NLGN1: variants seen among roughly 807,000 people sequenced by gnomAD.
The protein encoded by NLGN1 is neuroligin-1.
In NLGN1, 12 loss-of-function variants were observed where a neutral mutation model predicts 65.5. That is an observed-to-expected ratio of 0.18 (90% confidence interval 0.12 to 0.30). The LOEUF (loss-of-function observed/expected upper bound fraction) is 0.30. Among genes scored for constraint, NLGN1 ranks in the 10% least tolerant of loss-of-function variants. The pLI, the probability that NLGN1 is intolerant of heterozygous loss-of-function variation, is 1.00. For missense variants in NLGN1, 750 were observed against 1,007.1 expected (o/e 0.74, Z 3.46); for synonymous variants, 350 against 359.5 (o/e 0.97, Z 0.30).
intron 5 of NLGN1, among the ~76,000 whole-genome samples, 165 bp from the exon 6 acceptor site, chr3:174,278,696 C>T (rs993428622): frequency 4.6e-5 from 7 of 151,946 alleles, no homozygotes; most frequent in Non-Finnish European, 8.8e-5. Context: ...ATCCATTATA[C>T]CCTGCGGTTG....
At chr3:173,926,604 C>T (rs1743047707) in intron 4 of NLGN1, among the ~76,000 whole-genome samples, 2 of 152,138 alleles carry the variant, frequency 1.3e-5, no homozygotes, top group South Asian at 4.1e-4. Context: ...TTTATCTAGG[C>T]AAGAGCACAG....
At chr3:174,054,462 G>A (rs1167734663) in intron 4 of NLGN1, among the ~76,000 whole-genome samples, 3 of 151,972 alleles carry the variant, frequency 2.0e-5, no homozygotes, top group African/African-American at 4.8e-5. Flanking sequence ...AAATTATTAT[G>A]TTGGCTTACA....
At chr3:174,091,651 T>A (rs1744544930) in intron 4 of NLGN1, among the ~76,000 whole-genome samples, 1 of 152,218 alleles carries the variant, frequency 6.6e-6, no homozygotes, top group Non-Finnish European at 1.5e-5. Flanking sequence ...AGGAACCAAA[T>A]ACATATTTTT....
intron 2 of NLGN1, among the ~76,000 whole-genome samples, chr3:173,547,474 A>G (rs1740065640): frequency 1.3e-5 from 2 of 152,170 alleles, no homozygotes; most frequent in African/African-American, 4.8e-5. Flanking sequence ...GCAACGCACA[A>G]AAATGCTGTG....
At chr3:173,679,948 T>A (rs1261145164) in intron 3 of NLGN1, among the ~76,000 whole-genome samples, 1 of 152,080 alleles carries the variant, frequency 6.6e-6, no homozygotes, top group Non-Finnish European at 1.5e-5. Context: ...AACAATTAAT[T>A]ATGACTGTGA....
At chr3:173,664,793 G>A (rs896970972) in intron 3 of NLGN1, among the ~76,000 whole-genome samples, 1 of 152,090 alleles carries the variant, frequency 6.6e-6, no homozygotes, top group Admixed American at 6.6e-5. Flanking sequence ...GAAGCTCTGA[G>A]TTTGAATCCA....
At chr3:173,910,002 G>T (rs754405895) in intron 4 of NLGN1, among the ~76,000 whole-genome samples, 1 of 152,126 alleles carries the variant, frequency 6.6e-6, no homozygotes, top group African/African-American at 2.4e-5. Context: ...TATAGTGAAG[G>T]CATGTTAGGT....
intron 4 of NLGN1, among the ~76,000 whole-genome samples, chr3:174,191,664 T>G (rs895952283): frequency 1.3e-5 from 2 of 152,152 alleles, no homozygotes; most frequent in Non-Finnish European, 2.9e-5. Flanking sequence ...CTAACAGGTG[T>G]CATCTGCTTT....
At chr3:173,408,720 G>A (rs1370771063) in intron 1 of NLGN1, among the ~76,000 whole-genome samples, 1 of 152,116 alleles carries the variant, frequency 6.6e-6, no homozygotes, top group African/African-American at 2.4e-5. Flanking sequence ...AGACCTTCCT[G>A]GCTAATACGG....
intron 2 of NLGN1, among the ~76,000 whole-genome samples, chr3:173,498,123 A>G (rs1265725952): frequency 6.6e-6 from 1 of 151,664 alleles, no homozygotes; most frequent in Non-Finnish European, 1.5e-5. Flanking sequence ...TTACATATGT[A>G]TACATGTGCC....
chr3:173,819,216 T>C (rs1046621626), intron 4 of NLGN1, among the ~76,000 whole-genome samples: 1 of 152,160 alleles, frequency 6.6e-6, no homozygotes, highest in Non-Finnish European at 1.5e-5. Flanking sequence ...TGCTACTACC[T>C]ACTCACCTTG....
chr3:173,992,118 T>C (rs1233532065), intron 4 of NLGN1, among the ~76,000 whole-genome samples: 1 of 152,014 alleles, frequency 6.6e-6, no homozygotes, highest in Non-Finnish European at 1.5e-5. Context: ...TGAAGATCTC[T>C]AGAATAATGA....
chr3:174,076,944 C>A (rs931111692), intron 4 of NLGN1, among the ~76,000 whole-genome samples: 4 of 151,982 alleles, frequency 2.6e-5, no homozygotes, highest in Non-Finnish European at 5.9e-5. Context: ...ACAATGGTAC[C>A]TAAATAATTC....
At position 173,837,341 on chromosome 3, in the gene NLGN1, T is replaced by C. The variant is rs183348998; in HGVS notation, c.646+29509T>C. On this transcript the variant is annotated intron_variant, in intron 4 of 6. Transcript: ENST00000457714. ...CTTTAGAGTAACATTTTCATTAATT[T>C]AAAAGTGTATCTATATTTAAATGCA... Among the ~76,000 whole-genome samples the C allele has an allele frequency of 3.2e-3, 480 of 152,246 alleles. 2 individuals are homozygous for C. The highest frequency in any genetic ancestry group is 0.011 in the African/African-American group (461 of 41,562).
chr3:174,145,483 A>T (rs1723042845), intron 4 of NLGN1, among the ~76,000 whole-genome samples: 1 of 152,134 alleles, frequency 6.6e-6, no homozygotes, highest in African/African-American at 2.4e-5. Flanking sequence ...ACTGCACTCC[A>T]GCCTGGTGAC....
At chr3:173,647,882 A>C (rs1560103438) in intron 3 of NLGN1, among the ~76,000 whole-genome samples, 1 of 152,152 alleles carries the variant, frequency 6.6e-6, no homozygotes, top group Non-Finnish European at 1.5e-5. Flanking sequence ...AGTATTGTTG[A>C]GATAAATCAA....
At chr3:174,243,212 C>CT (rs935929737) in intron 4 of NLGN1, among the ~76,000 whole-genome samples, 1 of 152,144 alleles carries the variant, frequency 6.6e-6, no homozygotes, top group African/African-American at 2.4e-5. Context: ...AAAGTATGCC[C>CT]TTTGCCTATT....
At chr3:173,646,465 T>A (rs1758292956) in intron 3 of NLGN1, among the ~76,000 whole-genome samples, 1 of 152,242 alleles carries the variant, frequency 6.6e-6, no homozygotes, top group African/African-American at 2.4e-5. Context: ...TTCTTTTGAA[T>A]AATTTTTTCC....
intron 4 of NLGN1, among the ~76,000 whole-genome samples, chr3:174,129,588 T>C (rs759953558): frequency 6.6e-6 from 1 of 152,204 alleles, no homozygotes; most frequent in Non-Finnish European, 1.5e-5. Flanking sequence ...TTTGAGGGCG[T>C]TGACTTTTTC....
Sources: allele counts gnomAD v4.1 joint callset (sites outside exome capture counted in the v4.1 genomes callset), GRCh38; gene constraint gnomAD v4.1.1; transcripts MANE v1.5; gene names NCBI Gene and HGNC (gene_info 2026-07-23, HGNC 2026-07-21).